APP: variants seen among roughly 807,000 people sequenced by gnomAD.
APP encodes amyloid beta precursor protein.
APP carries 31 observed loss-of-function variants against 101.4 expected under a neutral mutation model. The observed-to-expected ratio is 0.31, with a 90% confidence interval of 0.23 to 0.41. The LOEUF is 0.41. Ranked by LOEUF, APP falls within the 10% of genes least tolerant of loss-of-function variation. The probability of loss-of-function intolerance (pLI) is 1.00; values close to 1 mark genes in which losing one functional copy is unlikely to be tolerated. For synonymous variants in APP, 366 were observed against 364.4 expected, an observed-to-expected ratio of 1.00 and a Z score of -0.05; for missense variants, 839 against 1,003.7, an observed-to-expected ratio of 0.84 and a Z score of 2.22.
intron 8 of APP, among the ~76,000 whole-genome samples, chr21:25,996,141 G>A (rs990311824): frequency 5.9e-5 from 9 of 152,084 alleles, no homozygotes; most frequent in South Asian, 2.1e-4. Context: ...AACTAAACTC[G>A]TCTGATATTA....
intron 3 of APP, among the ~76,000 whole-genome samples, chr21:26,079,597 CGGCATTTTTAT>C (rs1197251343): frequency 2.6e-5 from 4 of 152,144 alleles, no homozygotes; most frequent in African/African-American, 4.8e-5. Context: ...TTAAATCTGA[CGGCATTTTTAT>C]GGCATTTTTA....
intron 1 of APP, among the ~76,000 whole-genome samples, chr21:26,156,804 T>C (rs1035920868): frequency 8.5e-5 from 13 of 152,272 alleles, no homozygotes; most frequent in African/African-American, 2.9e-4. Context: ...ATTTATTTAA[T>C]TTTCAAATTC....
At chr21:26,063,171 T>G (rs1427149279) in intron 3 of APP, among the ~76,000 whole-genome samples, 1 of 152,184 alleles carries the variant, frequency 6.6e-6, no homozygotes, top group Non-Finnish European at 1.5e-5. Flanking sequence ...AGGAGAGATA[T>G]AGTGTCCATG....
At chr21:26,054,506 G>C (rs1200523728) in intron 3 of APP, among the ~76,000 whole-genome samples, 1 of 151,960 alleles carries the variant, frequency 6.6e-6, no homozygotes, top group Non-Finnish European at 1.5e-5. Context: ...GAAGCAGAAA[G>C]CAAGTGGCAA....
intron 1 of APP, among the ~76,000 whole-genome samples, chr21:26,124,538 G>C (rs1199451811): frequency 6.6e-6 from 1 of 152,178 alleles, no homozygotes; most frequent in Non-Finnish European, 1.5e-5. Flanking sequence ...AACAGTGTGA[G>C]CAGTGAGACT....
intron 3 of APP, among the ~76,000 whole-genome samples, chr21:26,057,473 C>CACACA (rs548792322): frequency 6.7e-5 from 10 of 149,168 alleles, no homozygotes; most frequent in East Asian, 3.9e-4. Flanking sequence ...ATGTCACACA[C>CACACA]CACACACACA....
At chr21:26,097,731 G>A (rs1215211852) in intron 2 of APP, among the ~76,000 whole-genome samples, 1 of 152,140 alleles carries the variant, frequency 6.6e-6, no homozygotes, top group Non-Finnish European at 1.5e-5. Flanking sequence ...TACCTACCTG[G>A]TCATACAGCC....
intron 13 of APP, among the ~76,000 whole-genome samples, chr21:25,912,357 CAGTA>C (rs113481124): frequency 3.0e-4 from 45 of 152,302 alleles, no homozygotes; most frequent in African/African-American, 1.0e-3. Context: ...GGTGTGGCGG[CAGTA>C]AGTGAGGCAC....
At chr21:26,054,511 T>C (rs1032202300) in intron 3 of APP, among the ~76,000 whole-genome samples, 2 of 150,960 alleles carry the variant, frequency 1.3e-5, no homozygotes, top group African/African-American at 4.9e-5. Context: ...AGAAAGCAAG[T>C]GGCAAAGGGA....
intron 11 of APP, among the ~76,000 whole-genome samples, chr21:25,962,075 T>C (rs943661669): frequency 6.6e-6 from 1 of 152,202 alleles, no homozygotes; most frequent in Admixed American, 6.5e-5. Context: ...AAGAGATCTG[T>C]CCCAGGAGGA....
At chr21:26,144,242 G>C (rs2226349) in intron 1 of APP, among the ~76,000 whole-genome samples, 78,514 of 151,952 alleles carry the variant, frequency 0.52, 21,114 homozygotes, top group African/African-American at 0.67. Flanking sequence ...GGGGATTATG[G>C]GGACTACAAT....
At chr21:25,969,038 A>G (rs1466001648) in intron 11 of APP, among the ~76,000 whole-genome samples, 1 of 152,098 alleles carries the variant, frequency 6.6e-6, no homozygotes, top group Non-Finnish European at 1.5e-5. Context: ...TATGTCTTCA[A>G]GAGGAAGGTA....
chr21:26,017,832 G>A (rs772672568), intron 6 of APP, among the ~76,000 whole-genome samples: 43 of 152,228 alleles, frequency 2.8e-4, no homozygotes, highest in Non-Finnish European at 4.9e-4. Context: ...TACTCAAATC[G>A]GTAATGGCTT....
intron 1 of APP, among the ~76,000 whole-genome samples, chr21:26,153,230 A>G (rs2063313914): frequency 6.6e-6 from 1 of 152,200 alleles, no homozygotes; most frequent in Admixed American, 6.5e-5. Flanking sequence ...AAAATCTCAG[A>G]ATTCACCACT....
chr21:25,894,342 G>A (rs1305058792), intron 16 of APP, among the ~76,000 whole-genome samples: 1 of 152,094 alleles, frequency 6.6e-6, no homozygotes, highest in Non-Finnish European at 1.5e-5. Context: ...ATTTTGTAGG[G>A]CTATTCACTG....
intron 13 of APP, among the ~76,000 whole-genome samples, chr21:25,944,042 C>CA (rs767331497): frequency 1.3e-5 from 2 of 152,002 alleles, no homozygotes; most frequent in Non-Finnish European, 2.9e-5. Flanking sequence ...ATGCCCCCCC[C>CA]CAACCAAAAG....
intron 14 of APP, among the ~76,000 whole-genome samples, chr21:25,907,156 AT>A (rs1279419362): frequency 1.3e-5 from 2 of 151,348 alleles, no homozygotes; most frequent in Non-Finnish European, 2.9e-5. Context: ...TTCTTCTTCT[AT>A]TTTTTTAAAT....
rs45493594 is a variant in APP at position 26,163,840 on chromosome 21, A to G, written c.57+6724T>C. Among the ~76,000 whole-genome samples the G allele has an allele frequency of 2.0e-4, 31 of 152,298 alleles. 1 individual carries two copies. In the East Asian group the frequency reaches 6.0e-3, roughly 29 times the overall value. On this transcript the variant is annotated intron_variant, in intron 1 of 17. Transcript: ENST00000346798. ...CTGCTTTTGAAGCTAAAAACCTTTT[A>G]TTTTTGAGCAACATATGCTGATTTT...
chr21:26,031,079 G>A (rs1359715731), intron 5 of APP, among the ~76,000 whole-genome samples: 2 of 152,186 alleles, frequency 1.3e-5, no homozygotes, highest in African/African-American at 2.4e-5. Flanking sequence ...CTAGGGGTGG[G>A]CTGGGGCTGG....
Sources: allele counts gnomAD v4.1 joint callset (sites outside exome capture counted in the v4.1 genomes callset), GRCh38; gene constraint gnomAD v4.1.1; transcripts MANE v1.5; gene names NCBI Gene and HGNC (gene_info 2026-07-23, HGNC 2026-07-21).